TMEM217: variants seen among roughly 807,000 people sequenced by gnomAD.
TMEM217 encodes transmembrane protein 217.
For missense variants in TMEM217, 204 were observed against 248.8 expected (o/e 0.82, Z 1.21); for synonymous variants, 76 against 88.3 (o/e 0.86, Z 0.78).
intron 1 of TMEM217, among the ~76,000 whole-genome samples, chr6:37,231,979 C>T (rs972969043): frequency 6.6e-6 from 1 of 151,870 alleles, no homozygotes; most frequent in African/African-American, 2.4e-5. Context: ...AGGTGGGACC[C>T]AGGCAAAAAT....
chr6:37,219,153 C>G, intron 1 of TMEM217, 112 bp from the exon 2 acceptor site: 6 of 943,636 alleles, frequency 6.4e-6, no homozygotes, highest in Non-Finnish European at 9.5e-6. Context: ...GACAGAAATA[C>G]GAAAACTGGG....
At chr6:37,227,715 C>T (rs546891310) in intron 1 of TMEM217, among the ~76,000 whole-genome samples, 2 of 152,070 alleles carry the variant, frequency 1.3e-5, no homozygotes, top group Admixed American at 1.3e-4. Flanking sequence ...AAGTGCTGTG[C>T]TGGGATTACA....
At chr6:37,217,524 A>G (rs567902949), downstream of TMEM217, 72 of 576,928 alleles carry the variant, frequency 1.2e-4, 1 homozygote, top group East Asian at 9.9e-3. Context: ...ACTACAGAGT[A>G]CAGCACAGCA....
chr6:37,240,638 T>C (rs1221056729), intron 1 of TMEM217, among the ~76,000 whole-genome samples: 1 of 152,158 alleles, frequency 6.6e-6, no homozygotes, highest in Non-Finnish European at 1.5e-5. Context: ...AGGGTGTAAA[T>C]ACCAGGAGGC....
chr6:37,243,116 G>T (rs1764861595), intron 1 of TMEM217, among the ~76,000 whole-genome samples: 1 of 152,006 alleles, frequency 6.6e-6, no homozygotes, highest in South Asian at 2.1e-4. Flanking sequence ...AAAAAAAAGA[G>T]CCCCCTTAAA....
chr6:37,212,652 G>A (rs1315960356), downstream of TMEM217: 1 of 559,452 alleles, frequency 1.8e-6, no homozygotes, highest in Non-Finnish European at 3.4e-6. Flanking sequence ...TCCCGTTGAG[G>A]AGCAGGACTA....
chr6:37,212,867 C>T (rs1315696818), downstream of TMEM217: 2 of 1,447,622 alleles, frequency 1.4e-6, no homozygotes, highest in African/African-American at 1.4e-5. Flanking sequence ...AACTTGGCCT[C>T]ATAGCAAATG....
intron 1 of TMEM217, among the ~76,000 whole-genome samples, chr6:37,254,430 T>C (rs1003622337): frequency 5.9e-5 from 9 of 152,268 alleles, no homozygotes; most frequent in Middle Eastern, 3.4e-3. Context: ...ACTAGGTGGG[T>C]GGCCTCCCTC....
chr6:37,215,335 GA>G, downstream of TMEM217: 1 of 1,586,194 alleles, frequency 6.3e-7, no homozygotes, highest in Non-Finnish European at 8.6e-7. Context: ...TAAGAGAAAA[GA>G]AAACTTGAGG....
At chr6:37,230,252 C>T (rs1583456838) in intron 1 of TMEM217, among the ~76,000 whole-genome samples, 1 of 152,346 alleles carries the variant, frequency 6.6e-6, no homozygotes, top group East Asian at 1.9e-4. Flanking sequence ...ACTGGACCCA[C>T]TTGTCTAATC....
intron 1 of TMEM217, among the ~76,000 whole-genome samples, chr6:37,230,586 T>G (rs13208487): frequency 0.014 from 2,086 of 152,188 alleles, 23 homozygotes; most frequent in Non-Finnish European, 0.022. Flanking sequence ...TGTGAAAACA[T>G]GGCGCAGGGG....
chr6:37,255,342 C>T (rs140522886), intron 1 of TMEM217, among the ~76,000 whole-genome samples: 182 of 152,126 alleles, frequency 1.2e-3, no homozygotes, highest in Middle Eastern at 6.8e-3. Context: ...GGGGCCATTG[C>T]AAAGTTTTCA....
intron 1 of TMEM217, among the ~76,000 whole-genome samples, chr6:37,234,441 G>C (rs192267769): frequency 1.3e-5 from 2 of 152,244 alleles, no homozygotes; most frequent in African/African-American, 4.8e-5. Context: ...TCAACTTATG[G>C]GTTTATTGGG....
chr6:37,214,855 T>A (rs1470517601), downstream of TMEM217, among the ~76,000 whole-genome samples: 1 of 152,138 alleles, frequency 6.6e-6, no homozygotes, highest in Middle Eastern at 3.2e-3. Context: ...CAGTGTGTTG[T>A]CTAGTGGGTA....
intron 1 of TMEM217, among the ~76,000 whole-genome samples, chr6:37,231,854 C>T (rs1764223316): frequency 6.7e-6 from 1 of 150,144 alleles, no homozygotes; most frequent in Non-Finnish European, 1.5e-5. Flanking sequence ...TTCCCACTTT[C>T]AGACCATTAT....
downstream of TMEM217, among the ~76,000 whole-genome samples, chr6:37,215,718 G>A (rs1028649728): frequency 6.6e-6 from 1 of 152,116 alleles, no homozygotes; most frequent in Non-Finnish European, 1.5e-5. Flanking sequence ...TGAGAATCAG[G>A]GGAGGCTTTC....
chr6:37,224,089 A>T (rs1763680209), intron 1 of TMEM217, among the ~76,000 whole-genome samples: 2 of 150,616 alleles, frequency 1.3e-5, no homozygotes, highest in Admixed American at 6.6e-5. Flanking sequence ...GGCGCCCACC[A>T]CCATGCCTGG....
exon 1 of TMEM217, chr6:37,257,634 C>T (rs1765834238): frequency 2.3e-6 from 1 of 443,888 alleles, no homozygotes; most frequent in Non-Finnish European, 4.0e-6. Context: ...GCTCCGCCTT[C>T]CCCGTCCACC....
downstream of TMEM217, among the ~76,000 whole-genome samples, chr6:37,214,752 T>C (rs1171409479): frequency 6.6e-6 from 1 of 152,240 alleles, no homozygotes; most frequent in Non-Finnish European, 1.5e-5. Flanking sequence ...AATATTCTTA[T>C]ACTTTATTCT....
Sources: allele counts gnomAD v4.1 joint callset (sites outside exome capture counted in the v4.1 genomes callset), GRCh38; gene constraint gnomAD v4.1.1; transcripts MANE v1.5; gene names NCBI Gene and HGNC (gene_info 2026-07-23, HGNC 2026-07-21).